GTF3C1: variants seen among roughly 807,000 people sequenced by gnomAD.
GTF3C1 encodes the protein general transcription factor 3C polypeptide 1.
Under a neutral mutation model 226.7 loss-of-function variants are expected in GTF3C1, and 57 were observed. The ratio of observed to expected loss-of-function variants is 0.25; its 90% CI spans 0.20 to 0.31. The LOEUF (loss-of-function observed/expected upper bound fraction) is 0.31. GTF3C1 is among the 10% of genes least tolerant of loss of function. The probability of loss-of-function intolerance (pLI) is 1.00; values close to 1 mark genes in which losing one functional copy is unlikely to be tolerated. For synonymous variants in GTF3C1, 1,090 were observed against 1,084.8 expected (o/e 1.00, Z -0.09); for missense variants, 2,217 against 2,776.1 (o/e 0.80, Z 4.53).
At chr16:27,541,726 C>A (rs927963344) in intron 2 of GTF3C1, among the ~76,000 whole-genome samples, 1 of 152,068 alleles carries the variant, frequency 6.6e-6, no homozygotes, top group Non-Finnish European at 1.5e-5. Context: ...CAAAAAGGAG[C>A]CCAGCATGTT....
At chr16:27,533,413 T>A in intron 4 of GTF3C1, 26 bp from the exon 5 acceptor site, 1 of 1,296,086 alleles carries the variant, frequency 7.7e-7, no homozygotes. Flanking sequence ...AGCAATTCGT[T>A]TTTTCAAACC....
chr16:27,470,678 C>A lies in GTF3C1; in HGVS notation c.4527-283G>T. ...GGCGCTCCAGGAGGGCGCTGGCAGGCTCACCTTACAGGGGCTCACTGTACA... is the reference window on the plus strand; with the variant it reads ...GGCGCTCCAGGAGGGCGCTGGCAGGATCACCTTACAGGGGCTCACTGTACA... On this transcript the variant is annotated intron_variant, in intron 30 of 36. Transcript: ENST00000356183. This position sits in a 1 kb window ranked among gnomAD's most constrained non-coding sequence, Gnocchi z 4.9. 1 of 436,692 alleles carries A rather than the reference C, an allele frequency of 2.3e-6. No homozygotes were observed. The highest frequency in any genetic ancestry group is 4.2e-6 in the Non-Finnish European group (1 of 237,932). The allele number at this position is 436,692 out of a possible 1,614,324, so 27.1% of individuals were successfully genotyped here.
Position 27,469,538 on chromosome 16 carries a change from G to C in GTF3C1, c.4827C>G (p.Asp1609Glu), listed in dbSNP as rs917875066. 5.0e-6 allele frequency: 8 copies of C among 1,610,434 alleles called. No individual in the cohort carries two copies. Among genetic ancestry groups the C allele is most frequent in the Non-Finnish European group, 5.9e-6 (7 of 1,177,104 alleles). Residue 1609 changes from aspartate (D) to glutamate (E), a missense_variant, in exon 32 of 37, where the codon GAC becomes GAG. Coordinates refer to ENST00000356183, the MANE Select transcript of GTF3C1 (RefSeq NM_001520.4). This position sits in a 1 kb window ranked among gnomAD's most constrained non-coding sequence, Gnocchi z 4.5. ...ENEVIKSLGKDGSLEDDEDEE... is the reference protein window; with the variant it reads ...ENEVIKSLGKEGSLEDDEDEE... ...CATCCTCGTCATCCTCCAGGCTGCC[G>C]TCCTTCCCCAAGCTAGAAGGGAATT...
rs188852192 is a variant in GTF3C1 at position 27,474,146 on chromosome 16, A to T, written c.4354-2226T>A. Among the ~76,000 whole-genome samples the T allele has an allele frequency of 1.0e-3, 152 of 152,292 alleles. 1 individual carries two copies. The Middle Eastern group carries it at 0.014, about 14-fold the overall frequency. On this transcript the variant is annotated intron_variant, in intron 29 of 36. Coordinates refer to ENST00000356183, the MANE Select transcript of GTF3C1 (RefSeq NM_001520.4). ...TCGCGGGGTCCCCTATGGGGCTCTG[A>T]CATTGCTGTTGGCCTTCCAGTCCTC...
chr16:27,506,114 C>T lies in GTF3C1; in HGVS notation c.1555G>A (p.Gly519Arg), dbSNP rs368378672. The T allele has an allele frequency of 2.7e-5, 43 of 1,581,018 alleles. No individual in the cohort carries two copies. In the African/African-American group the frequency reaches 5.0e-4, roughly 18 times the overall value. ...GGGTGTAGGTTTACAACTTTCCACC[C>T]ACCTGTGGTGGAGGGAAGAGATAGA... ...QPHHSTPTKG[G>R]WKVVNLHPLK... Residue 519 changes from glycine to arginine, a missense_variant and splice_region_variant, in exon 10 of 37, where the codon GGG (glycine) becomes AGG (arginine). Around this residue, in one of 12 missense-constraint regions of GTF3C1, gnomAD observed 173 missense variants for 207.2 expected, o/e 0.83. Transcript: ENST00000356183.
At chr16:27,541,705 T>C (rs954237730) in intron 2 of GTF3C1, among the ~76,000 whole-genome samples, 1 of 152,126 alleles carries the variant, frequency 6.6e-6, no homozygotes, top group African/African-American at 2.4e-5. Flanking sequence ...AGCACGAGGA[T>C]TGCCTTGAGA....
At position 27,527,578 on chromosome 16, in the gene GTF3C1, T is replaced by A. The variant is rs2088852328; in HGVS notation, c.973+1020A>T. On this transcript the variant is annotated intron_variant, in intron 6 of 36. Transcript: ENST00000356183. The stretch of plus-strand genomic sequence containing the variant: ...CTGCTGAGTACTGATTGTTTAACCT[T>A]CTGTAAGTTACTCAGCATCTCTTCA... 2.6e-5 allele frequency among the ~76,000 whole-genome samples: 4 copies of A among 152,372 alleles called. 1 individual carries two copies. The South Asian group carries it at 8.3e-4, about 32-fold the overall frequency.
In GTF3C1 at chr16:27,495,311, G is replaced by C. The variant is rs967345126; in HGVS notation, c.2532C>G (p.Ser844=). ...QESGRAGVRP[S]SSGSAWEACS... The stretch of plus-strand genomic sequence containing the variant: ...AGGCCTCCCAGGCACTTCCAGAGGA[G>C]GACGGCCGGACGCCTGCCCTGCCTG... Residue 844 remains serine, a synonymous_variant, in exon 15 of 37, where the codon TCC becomes TCG. Transcript: ENST00000356183. 3.1e-6 allele frequency: 5 copies of C among 1,613,498 alleles called. No individual in the cohort carries two copies. The Admixed American group carries it at 5.0e-5, about 16-fold the overall frequency.
At chr16:27,521,002 A>G (rs1474983190) in intron 6 of GTF3C1, among the ~76,000 whole-genome samples, 1 of 152,236 alleles carries the variant, frequency 6.6e-6, no homozygotes, top group East Asian at 1.9e-4. Context: ...TAGAGGCCTA[A>G]GCCACAGCGC....
chr16:27,482,418 C>T (rs1365960411), intron 26 of GTF3C1: 1 of 450,046 alleles, frequency 2.2e-6, no homozygotes, highest in African/African-American at 2.0e-5. Context: ...GCTGAGCCTC[C>T]TCCCTGACCT....
chr16:27,505,963 T>C lies in GTF3C1; in HGVS notation c.1706A>G (p.His569Arg), dbSNP rs752572219. The change falls in exon 10 of 37, where the codon CAC (histidine) becomes CGC (arginine). Residue 569 changes from histidine to arginine, a missense_variant. Around this residue, in one of 12 missense-constraint regions of GTF3C1, gnomAD observed 173 missense variants for 207.2 expected, o/e 0.83. Coordinates refer to ENST00000356183, the MANE Select transcript of GTF3C1 (RefSeq NM_001520.4). ...GTCACCACTGTTGCTGTCCGCACAG[T>C]GGGAGACAAAGGACACGTTGGGTTC... ...VSEPNVSFVS[H>R]CADSNSGDIA... The C allele has an allele frequency of 6.2e-7, 1 of 1,613,598 alleles. No individual in the cohort carries two copies. The highest frequency in any genetic ancestry group is 1.7e-5 in the Admixed American group (1 of 60,022).
chr16:27,513,463 C>T (rs1460051051), intron 6 of GTF3C1, among the ~76,000 whole-genome samples: 1 of 152,110 alleles, frequency 6.6e-6, no homozygotes, highest in Non-Finnish European at 1.5e-5. Flanking sequence ...CAAAATAAAA[C>T]ACTGAACAAC....
In GTF3C1 at chr16:27,461,659, G is replaced by A. The variant is rs1446924517; in HGVS notation, c.6118-97C>T. ...TATGGAATGCCCCCTCTGTACCAGG[G>A]AGCCACTTCCCAGAGCAGGGGGCAC... On this transcript the variant is annotated intron_variant, in intron 36 of 36. Transcript: ENST00000356183. This position sits in a 1 kb window ranked among gnomAD's most constrained non-coding sequence, Gnocchi z 5.3. 1 of 921,688 alleles carries A rather than the reference G, an allele frequency of 1.1e-6. No homozygotes were observed. Among genetic ancestry groups the A allele is most frequent in the Non-Finnish European group, 1.7e-6 (1 of 592,020 alleles). 57.1% of individuals were successfully genotyped at this position (921,688 alleles called of 1,614,324 possible).
At chr16:27,506,772 AACT>A in intron 9 of GTF3C1, 72 bp downstream of exon 9, 1 of 1,101,936 alleles carries the variant, frequency 9.1e-7, no homozygotes, top group East Asian at 2.5e-5. Flanking sequence ...GTGTTTGCTG[AACT>A]GAAGGGGTGT....
At chr16:27,515,875 G>A (rs986851748) in intron 6 of GTF3C1, among the ~76,000 whole-genome samples, 3 of 152,316 alleles carry the variant, frequency 2.0e-5, no homozygotes, top group Middle Eastern at 3.4e-3. Context: ...TGCCAAGGGC[G>A]GTACATGAAT....
chr16:27,488,212 T>C lies in GTF3C1; in HGVS notation c.3700+15A>G. 2.5e-6 allele frequency: 4 copies of C among 1,603,750 alleles called. No individual in the cohort carries two copies. The highest frequency in any genetic ancestry group is 1.1e-5 in the South Asian group (1 of 90,242). ...AAAGACAAGGCCCAGTAAATGAAAA[T>C]GATCACCACATAACCTTTCTTCTTT... On this transcript the variant is annotated intron_variant, in intron 23 of 36. Transcript: ENST00000356183.
intron 6 of GTF3C1, among the ~76,000 whole-genome samples, chr16:27,517,711 T>C (rs2088681106): frequency 6.6e-6 from 1 of 151,920 alleles, no homozygotes; most frequent in Non-Finnish European, 1.5e-5. Flanking sequence ...AGAGAAGGAG[T>C]GACTCCTTAA....
At position 27,470,271 on chromosome 16, in the gene GTF3C1, C is replaced by T. The variant is rs771632183; in HGVS notation, c.4651G>A (p.Glu1551Lys). Residue 1551 changes from glutamate to lysine, a missense_variant, in exon 31 of 37, where the codon GAG (glutamate) becomes AAG (lysine). Physicochemically the swap from Glu to Lys is moderately conservative, Grantham distance 56 (BLOSUM62 1). Coordinates refer to ENST00000356183, the MANE Select transcript of GTF3C1 (RefSeq NM_001520.4). This position sits in a 1 kb window ranked among gnomAD's most constrained non-coding sequence, Gnocchi z 4.9. ...AAGGCCACCATGTCGTTTGTGGGCTCGTTATTATCCTGGTCTTTGAAAGAG... is the reference window on the plus strand; with the variant it reads ...AAGGCCACCATGTCGTTTGTGGGCTTGTTATTATCCTGGTCTTTGAAAGAG... ...RFSFKDQDNN[E>K]PTNDMVAFSL... The T allele has an allele frequency of 1.2e-5, 19 of 1,613,922 alleles. No individual in the cohort carries two copies. Among genetic ancestry groups the T allele is most frequent in the Admixed American group, 3.3e-5 (2 of 60,024 alleles).
At position 27,506,035 on chromosome 16, in the gene GTF3C1, T is replaced by C. The variant is rs1441350591; in HGVS notation, c.1634A>G (p.Gln545Arg). 3 of 1,613,482 alleles carry C rather than the reference T, an allele frequency of 1.9e-6. No individual in the cohort carries two copies. Among genetic ancestry groups the C allele is most frequent in the African/African-American group, 2.7e-5 (2 of 75,060 alleles). ...FPGAAEERACQSLASRDSLLD... is the reference protein window; with the variant it reads ...FPGAAEERACRSLASRDSLLD... ...GAGGCTGTCCCTGCTGGCAAGGCTCTGGCAGGCTCTCTCTTCAGCAGCTCC... is the reference window on the plus strand; with the variant it reads ...GAGGCTGTCCCTGCTGGCAAGGCTCCGGCAGGCTCTCTCTTCAGCAGCTCC... The change falls in exon 10 of 37, where the codon CAG (glutamine) becomes CGG (arginine). Residue 545 changes from glutamine to arginine, a missense_variant. Gln to Arg is a conservative substitution (Grantham distance 43). This residue lies in a region of GTF3C1 where 173 missense variants were observed against 207.2 expected (regional missense o/e 0.83). Transcript: ENST00000356183.
Sources: gnomAD v4.1 joint callset for allele counts (sites outside exome capture counted in the v4.1 genomes callset) on GRCh38, gnomAD v4.1.1 for gene constraint, gnomAD v4.1.1 regional missense constraint, Gnocchi (gnomAD v3.1) non-coding constraint, MANE v1.5 for transcripts, NCBI Gene and HGNC (gene_info 2026-07-23, HGNC 2026-07-21) for gene names.